Variants in PHF24 observed in about 807,000 individuals in gnomAD.
The protein encoded by PHF24 is Galpha inhibitory interacting protein.
Under a neutral mutation model 42.6 loss-of-function variants are expected in PHF24, and 25 were observed. The ratio of observed to expected loss-of-function variants is 0.59; its 90% CI spans 0.43 to 0.82. The LOEUF (loss-of-function observed/expected upper bound fraction) is 0.82, where lower values mean the gene tolerates loss of function less well. Among genes scored for constraint, PHF24 ranks in the 40% least tolerant of loss-of-function variants. The probability of loss-of-function intolerance (pLI) is 0.00; values close to 1 mark genes in which losing one functional copy is unlikely to be tolerated. For synonymous variants in PHF24, 185 were observed against 204.8 expected, an observed-to-expected ratio of 0.90 and a Z score of 0.83; for missense variants, 470 against 538.1, an observed-to-expected ratio of 0.87 and a Z score of 1.25.
At chr9:34,865,685 C>A in the PHF24 span, among the ~76,000 whole-genome samples, 1 of 152,182 alleles carries the variant, frequency 6.6e-6, no homozygotes, top group Non-Finnish European at 1.5e-5. Context: ...TAACTGGGTC[C>A]TCTGCTTCAG....
At chr9:34,704,240 A>G in the PHF24 span, among the ~76,000 whole-genome samples, 1 of 150,746 alleles carries the variant, frequency 6.6e-6, no homozygotes, top group South Asian at 2.1e-4. Flanking sequence ...TTCGTTGCCC[A>G]GGCTGGTCTC....
chr9:34,777,732 A>G, the PHF24 span, among the ~76,000 whole-genome samples: 4 of 152,186 alleles, frequency 2.6e-5, no homozygotes, highest in Admixed American at 2.6e-4. Context: ...ACAGAAGCCC[A>G]TGCTTCTCTA....
the PHF24 span, among the ~76,000 whole-genome samples, chr9:34,949,823 G>T: frequency 6.6e-6 from 1 of 151,774 alleles, no homozygotes; most frequent in African/African-American, 2.4e-5. Flanking sequence ...CACAAGGAGG[G>T]GAACATTACA....
At chr9:34,705,157 A>G in the PHF24 span, among the ~76,000 whole-genome samples, 19 of 152,292 alleles carry the variant, frequency 1.2e-4, no homozygotes, top group East Asian at 3.5e-3. Flanking sequence ...GTATTCACGA[A>G]TAAGACATTA....
chr9:34,692,100 G>T, the PHF24 span, among the ~76,000 whole-genome samples: 4 of 152,180 alleles, frequency 2.6e-5, no homozygotes, highest in Admixed American at 1.3e-4. Flanking sequence ...TTATGAGAAA[G>T]GTCAGAAGAG....
chr9:34,695,487 T>C, the PHF24 span, among the ~76,000 whole-genome samples: 1 of 152,256 alleles, frequency 6.6e-6, no homozygotes, highest in Non-Finnish European at 1.5e-5. Context: ...AGCAAATTAA[T>C]TGAACCCCAG....
the PHF24 span, among the ~76,000 whole-genome samples, chr9:34,818,451 T>G: frequency 6.6e-6 from 1 of 152,220 alleles, no homozygotes; most frequent in Non-Finnish European, 1.5e-5. Context: ...TTTTTCGTCT[T>G]TAACCTATTG....
the PHF24 span, chr9:34,666,119 T>A: frequency 5.1e-6 from 1 of 194,682 alleles, no homozygotes; most frequent in Non-Finnish European, 1.1e-5. Context: ...GGTGGGGTGT[T>A]CATGTCTCCC....
At chr9:34,894,508 A>G in the PHF24 span, 2 of 398,542 alleles carry the variant, frequency 5.0e-6, no homozygotes, top group East Asian at 7.1e-5. Context: ...CTAGCTGAAG[A>G]AACAGAAGAT....
chr9:34,791,524 A>G, the PHF24 span, among the ~76,000 whole-genome samples: 1 of 152,046 alleles, frequency 6.6e-6, no homozygotes. Context: ...TTATCAGAAT[A>G]TAATAGTATT....
chr9:34,738,354 T>G, the PHF24 span, among the ~76,000 whole-genome samples: 1 of 152,192 alleles, frequency 6.6e-6, no homozygotes, highest in Non-Finnish European at 1.5e-5. Context: ...TTTAATTTTT[T>G]TTTTTATTTT....
chr9:34,753,735 AAT>A, the PHF24 span, among the ~76,000 whole-genome samples: 1 of 152,214 alleles, frequency 6.6e-6, no homozygotes, highest in African/African-American at 2.4e-5. Flanking sequence ...CCTGACTTCA[AAT>A]TGTACTACAG....
the PHF24 span, chr9:34,836,114 TG>T: frequency 2.1e-6 from 1 of 479,346 alleles, no homozygotes; most frequent in Non-Finnish European, 4.3e-6. Flanking sequence ...TGGAAGAGTG[TG>T]GGCTAGCGTT....
chr9:34,921,290 G>A, the PHF24 span, among the ~76,000 whole-genome samples: 167 of 150,974 alleles, frequency 1.1e-3, no homozygotes, highest in Non-Finnish European at 1.8e-3. Flanking sequence ...TTAAACAAAG[G>A]TAGCCATCAT....
At chr9:34,697,915 C>T in the PHF24 span, among the ~76,000 whole-genome samples, 11 of 152,136 alleles carry the variant, frequency 7.2e-5, no homozygotes, top group South Asian at 4.1e-4. Flanking sequence ...GGAATTCTTG[C>T]GTGGTAGAGG....
intron 3 of PHF24, 69 bp downstream of exon 3, chr9:34,972,600 G>C: frequency 2.1e-6 from 3 of 1,441,444 alleles, no homozygotes; most frequent in Non-Finnish European, 2.8e-6. Flanking sequence ...TAGAACACTT[G>C]ATTTTAGGCA....
the PHF24 span, among the ~76,000 whole-genome samples, chr9:34,795,790 A>C: frequency 6.6e-6 from 1 of 152,200 alleles, no homozygotes; most frequent in Non-Finnish European, 1.5e-5. Flanking sequence ...TGAGCCCAGG[A>C]GTTAGAGATC....
At chr9:34,975,905 G>A (rs1348512146) in intron 3 of PHF24, among the ~76,000 whole-genome samples, 1 of 152,008 alleles carries the variant, frequency 6.6e-6, no homozygotes, top group Non-Finnish European at 1.5e-5. Flanking sequence ...CACTGTTTTA[G>A]TAAAGGGACT....
the PHF24 span, chr9:34,709,309 A>G: frequency 2.0e-6 from 3 of 1,536,034 alleles, no homozygotes; most frequent in Non-Finnish European, 2.7e-6. Context: ...GCCCCTGAGC[A>G]TAGCCTCCTT....
Sources: gnomAD v4.1 joint callset for allele counts (sites outside exome capture counted in the v4.1 genomes callset) on GRCh38, gnomAD v4.1.1 for gene constraint, MANE v1.5 for transcripts, NCBI Gene and HGNC (gene_info 2026-07-23, HGNC 2026-07-21) for gene names.